BPNT2: variants seen among roughly 807,000 people sequenced by gnomAD.
BPNT2 encodes Golgi-resident adenosine 3',5'-bisphosphate 3'-phosphatase.
In BPNT2, 11 loss-of-function variants were observed where a neutral mutation model predicts 29.3. That is an observed-to-expected ratio of 0.38 (90% CI 0.24 to 0.62). The LOEUF (loss-of-function observed/expected upper bound fraction) is 0.62. Ranked by LOEUF, BPNT2 falls within the 20% of genes least tolerant of loss-of-function variation. BPNT2 has a pLI of 0.62. For missense variants in BPNT2, 459 were observed against 473.4 expected, an observed-to-expected ratio of 0.97 and a Z score of 0.28; for synonymous variants, 195 against 187.7, an observed-to-expected ratio of 1.04 and a Z score of -0.32.
chr8:56,979,284 C>T (rs1022620913), intron 2 of BPNT2, among the ~76,000 whole-genome samples: 22 of 152,246 alleles, frequency 1.4e-4, no homozygotes, highest in African/African-American at 5.1e-4. Flanking sequence ...AAATTAGATG[C>T]TTAAGAAAGT....
rs1306537436 is a variant in BPNT2 at position 56,962,262 on chromosome 8, G to GA, written c.*1530dup. 6.6e-6 allele frequency: 1 copy of GA among 152,186 alleles called. No individual in the cohort carries two copies. The highest frequency in any genetic ancestry group is 1.5e-5 in the Non-Finnish European group (1 of 68,024). The allele number at this position is 152,186 out of a possible 1,614,324, so 9.4% of individuals were successfully genotyped here. A position where few individuals can be genotyped will look rare whatever the true frequency, so the allele number is the denominator to read the frequency against. On this transcript the variant is annotated 3_prime_UTR_variant, in exon 5 of 5. Coordinates refer to ENST00000262644, the MANE Select transcript of BPNT2 (RefSeq NM_017813.5). ...CATATTAGATTCAGTTTACTAATAA[G>GA]AAAGTAAAGGGCTTTGGACAATGTA... is the stretch of plus-strand genomic sequence containing the variant.
At chr8:56,985,666 C>T (rs1470383077) in intron 1 of BPNT2, among the ~76,000 whole-genome samples, 1 of 152,184 alleles carries the variant, frequency 6.6e-6, no homozygotes, top group Non-Finnish European at 1.5e-5. Context: ...ATTATCAAAA[C>T]ATTCTCAGAT....
chr8:56,981,937 A>G (rs527749199), intron 1 of BPNT2, among the ~76,000 whole-genome samples: 29 of 152,118 alleles, frequency 1.9e-4, no homozygotes, highest in Non-Finnish European at 3.5e-4. Flanking sequence ...CTGACAATAC[A>G]TGAGTATTGT....
At chr8:56,973,505 T>C (rs1257301288) in intron 3 of BPNT2, among the ~76,000 whole-genome samples, 3 of 152,174 alleles carry the variant, frequency 2.0e-5, no homozygotes, top group African/African-American at 4.8e-5. Context: ...GTTGTGCATG[T>C]CTCCACAAGA....
chr8:56,975,635 T>C (rs917736434), intron 3 of BPNT2, among the ~76,000 whole-genome samples: 4 of 152,146 alleles, frequency 2.6e-5, no homozygotes, highest in African/African-American at 9.7e-5. Context: ...TATGGTTTCA[T>C]GATAGGAGCT....
At chr8:56,971,695 CCATT>C (rs1563406793) in intron 3 of BPNT2, among the ~76,000 whole-genome samples, 1 of 151,548 alleles carries the variant, frequency 6.6e-6, no homozygotes, top group Admixed American at 6.6e-5. Flanking sequence ...ATACGTAGTG[CCATT>C]CACAGTTAAG....
At chr8:56,970,940 A>G (rs1806021138) in intron 3 of BPNT2, among the ~76,000 whole-genome samples, 1 of 152,172 alleles carries the variant, frequency 6.6e-6, no homozygotes, top group Non-Finnish European at 1.5e-5. Context: ...CTTTTCATAA[A>G]TATTCCAAAA....
intron 4 of BPNT2, chr8:56,964,362 G>A (rs552481978): frequency 1.9e-4 from 48 of 258,222 alleles, no homozygotes; most frequent in Non-Finnish European, 2.6e-4. Context: ...GCAACAGCGC[G>A]ATCTTGGCTC....
At position 56,963,012 on chromosome 8, in the gene BPNT2, T is replaced by C. The variant is rs777823778; in HGVS notation, c.*781A>G. 6 of 152,192 alleles carry C rather than the reference T, an allele frequency of 3.9e-5. No individual in the cohort carries two copies. The highest frequency in any genetic ancestry group is 7.3e-5 in the Non-Finnish European group (5 of 68,036). 9.4% of individuals were successfully genotyped at this position (152,192 alleles called of 1,614,324 possible). On this transcript the variant is annotated 3_prime_UTR_variant, in exon 5 of 5. Coordinates refer to ENST00000262644, the MANE Select transcript of BPNT2 (RefSeq NM_017813.5). ...AACCGAACCTTACAAAGTTAAAGACTAAGTGTTGGTCAGAAGGAAAAGGAT... is the reference window on the plus strand; with the variant it reads ...AACCGAACCTTACAAAGTTAAAGACCAAGTGTTGGTCAGAAGGAAAAGGAT...
intron 1 of BPNT2, among the ~76,000 whole-genome samples, chr8:56,987,311 T>G (rs13278306): frequency 0.069 from 10,512 of 152,196 alleles, 567 homozygotes; most frequent in East Asian, 0.27. Context: ...TATTTCTGGT[T>G]GTATTTGTGA....
At chr8:56,967,270 C>T (rs548845160) in intron 3 of BPNT2, 83 of 456,130 alleles carry the variant, frequency 1.8e-4, no homozygotes, top group African/African-American at 1.6e-3. Context: ...TCTGAGTTCC[C>T]CAAGAATGAT....
At chr8:56,984,806 ATC>A (rs1465334250) in intron 1 of BPNT2, among the ~76,000 whole-genome samples, 30 of 132,320 alleles carry the variant, frequency 2.3e-4, no homozygotes, top group African/African-American at 6.8e-4. Flanking sequence ...CAGACTCCTT[ATC>A]ATAATCTACA....
chr8:56,979,087 AT>A (rs1363816161), intron 2 of BPNT2, among the ~76,000 whole-genome samples: 1 of 152,204 alleles, frequency 6.6e-6, no homozygotes, highest in African/African-American at 2.4e-5. Flanking sequence ...CTTTTATATT[AT>A]AAAAATCACA....
intron 1 of BPNT2, among the ~76,000 whole-genome samples, chr8:56,992,549 A>G (rs1241075572): frequency 5.9e-5 from 9 of 152,144 alleles, no homozygotes; most frequent in African/African-American, 2.2e-4. Context: ...TATTCTCTGG[A>G]GTAAATATGG....
intron 4 of BPNT2, 37 bp from the exon 5 acceptor site, chr8:56,964,101 A>G: frequency 6.8e-7 from 1 of 1,471,418 alleles, no homozygotes. Flanking sequence ...TATTATTCAA[A>G]AAATTTTAAG....
chr8:56,976,402 G>A (rs1238606564), intron 3 of BPNT2, among the ~76,000 whole-genome samples: 2 of 152,148 alleles, frequency 1.3e-5, no homozygotes, highest in East Asian at 3.8e-4. Context: ...GGCCTAGTGT[G>A]TATCCTAACT....
rs370198289 is a variant in BPNT2, at chr8:56,963,938, C to G, written c.935G>C (p.Gly312Ala). 17 of 1,613,906 alleles carry G rather than the reference C, an allele frequency of 1.1e-5. No homozygotes were observed. Among genetic ancestry groups the G allele is most frequent in the African/African-American group, 8.0e-5 (6 of 74,898 alleles). Residue 312 changes from glycine to alanine, a missense_variant, in exon 5 of 5, where the codon GGG becomes GCG. By Grantham distance (60) the Gly-to-Ala change is moderately conservative. Coordinates refer to ENST00000262644, the MANE Select transcript of BPNT2 (RefSeq NM_017813.5). ...CAGNAILKAL[G>A]GHMTTLSGEE... ...ACCACTCAGGGTAGTCATATGCCCC[C>G]CTAGGGCTTTTAAGATGGCATTACC...
rs1179680319 is a variant in BPNT2 at position 56,993,720 on chromosome 8, C to T, written c.-135G>A. 3.0e-6 allele frequency: 3 copies of T among 984,006 alleles called. No individual in the cohort carries two copies. Among genetic ancestry groups the T allele is most frequent in the Non-Finnish European group, 2.4e-6 (2 of 823,614 alleles). 61.0% of individuals were successfully genotyped at this position (984,006 alleles called of 1,614,324 possible). Reference sequence around the variant, plus strand: ...TGGCGCCCGCTCCCCGGCCCCGGTGCGCCCCATCACTCCCTCCCAGGAAAG... The same window carrying T: ...TGGCGCCCGCTCCCCGGCCCCGGTGTGCCCCATCACTCCCTCCCAGGAAAG... On this transcript the variant is annotated 5_prime_UTR_variant, in exon 1 of 5. Coordinates refer to ENST00000262644, the MANE Select transcript of BPNT2 (RefSeq NM_017813.5).
At chr8:56,972,677 G>A (rs757889290) in intron 3 of BPNT2, among the ~76,000 whole-genome samples, 1 of 152,048 alleles carries the variant, frequency 6.6e-6, no homozygotes, top group African/African-American at 2.4e-5. Context: ...TGCCAGTAAA[G>A]GATGGTTTGA....
Sources: allele counts gnomAD v4.1 joint callset (sites outside exome capture counted in the v4.1 genomes callset), GRCh38; gene constraint gnomAD v4.1.1; transcripts MANE v1.5; gene names NCBI Gene and HGNC (gene_info 2026-07-23, HGNC 2026-07-21).